COL4A5: variants seen among roughly 807,000 people sequenced by gnomAD.
COL4A5 encodes collagen alpha-5(IV) chain.
A neutral mutation model predicts 130.2 loss-of-function variants in COL4A5; 26 were observed. The ratio of observed to expected loss-of-function variants is 0.20; its 90% CI spans 0.15 to 0.28. COL4A5 has a LOEUF of 0.28. COL4A5 is among the 10% of genes least tolerant of loss of function. The pLI, the probability that COL4A5 is intolerant of heterozygous loss-of-function variation, is 1.00. For missense variants in COL4A5, 1,131 were observed against 1,344.3 expected, an observed-to-expected ratio of 0.84 and a Z score of 2.48; for synonymous variants, 496 against 439.6, an observed-to-expected ratio of 1.13 and a Z score of -1.60.
chrX:108,673,383 T>A (rs896659983), intron 42 of COL4A5, among the ~76,000 whole-genome samples: 4 of 111,966 alleles, frequency 3.6e-5, no homozygotes, highest in African/African-American at 1.3e-4. Flanking sequence ...CTGCTAACAT[T>A]TGGTGCTTAT....
At chrX:108,507,815 A>G (rs749250105) in intron 1 of COL4A5, among the ~76,000 whole-genome samples, 4 of 111,589 alleles carry the variant, frequency 3.6e-5, no homozygotes, top group Non-Finnish European at 5.7e-5. Context: ...CTCAAAATAA[A>G]CAAATAACCA....
intron 28 of COL4A5, 64 bp downstream of exon 28, chrX:108,603,125 C>T (rs2066667088): frequency 1.3e-6 from 1 of 741,384 alleles, no homozygotes; most frequent in Non-Finnish European, 2.1e-6. Flanking sequence ...TTATTTCTAG[C>T]TCTCTATTTT....
At chrX:108,451,478 G>C (rs377391997) in intron 1 of COL4A5, among the ~76,000 whole-genome samples, 410 of 111,773 alleles carry the variant, frequency 3.7e-3, no homozygotes, top group Non-Finnish European at 6.2e-3. Context: ...AAAAGTGTTC[G>C]TATTTCTCCA....
intron 2 of COL4A5, among the ~76,000 whole-genome samples, chrX:108,542,477 T>C (rs1361717117): frequency 9.0e-6 from 1 of 111,320 alleles, no homozygotes; most frequent in African/African-American, 3.3e-5. Context: ...ATGGTGCGTA[T>C]GTGCCACATT....
At chrX:108,452,441 T>A (rs1203325623) in intron 1 of COL4A5, among the ~76,000 whole-genome samples, 1 of 112,289 alleles carries the variant, frequency 8.9e-6, no homozygotes, top group African/African-American at 3.2e-5. Flanking sequence ...ACGATATTGA[T>A]TCTTCCTACC....
intron 1 of COL4A5, among the ~76,000 whole-genome samples, chrX:108,513,572 T>G (rs2065197495): frequency 8.9e-6 from 1 of 111,909 alleles, no homozygotes; most frequent in African/African-American, 3.2e-5. Context: ...TGCCTATATG[T>G]CAATTGGGTT....
chrX:108,591,348 AC>A (rs1420469352), intron 20 of COL4A5, 117 bp downstream of exon 20: 2 of 757,297 alleles, frequency 2.6e-6, no homozygotes, highest in Non-Finnish European at 3.9e-6. Flanking sequence ...AAGAAATTCT[AC>A]CACTGCTTCT....
intron 22 of COL4A5, among the ~76,000 whole-genome samples, chrX:108,596,179 G>A (rs2066513424): frequency 8.9e-6 from 1 of 112,083 alleles, no homozygotes; most frequent in African/African-American, 3.2e-5. Context: ...GTTTGAGTCA[G>A]GGCTGAGAAT....
intron 42 of COL4A5, among the ~76,000 whole-genome samples, chrX:108,674,197 A>T (rs1221106988): frequency 9.0e-6 from 1 of 111,526 alleles, no homozygotes; most frequent in Non-Finnish European, 1.9e-5. Flanking sequence ...TGATTTTTCT[A>T]TTCTGTCACC....
At chrX:108,601,304 T>C (rs964012356) in intron 25 of COL4A5, 89 bp from the exon 26 acceptor site, 11 of 583,140 alleles carry the variant, frequency 1.9e-5, no homozygotes, top group Middle Eastern at 1.0e-3. Flanking sequence ...AAAAGATTGC[T>C]GATAATTTTC....
At position 108,582,627 on chromosome X, in the gene COL4A5, C is replaced by A. The variant is rs148983085; in HGVS notation, c.937-257C>A. 413 of 352,423 alleles carry A rather than the reference C, an allele frequency of 1.2e-3. 3 individuals carry two copies. The East Asian group carries it at 0.017, about 14-fold the overall frequency. 29.0% of individuals were successfully genotyped at this position (352,423 alleles called of 1,213,427 possible). A position where few individuals can be genotyped will look rare whatever the true frequency, so the allele number is the denominator to read the frequency against. On this transcript the variant is annotated intron_variant, in intron 16 of 52. Transcript: ENST00000328300. Reference sequence around the variant, plus strand: ...TAGAGCAAGTTAAAATGCCATAAATCTCTGAGAGGTGGTAGGAATAGAGCA... The same window carrying A: ...TAGAGCAAGTTAAAATGCCATAAATATCTGAGAGGTGGTAGGAATAGAGCA...
intron 26 of COL4A5, 61 bp downstream of exon 26, chrX:108,601,546 T>TC: frequency 1.4e-6 from 1 of 716,192 alleles, no homozygotes; most frequent in African/African-American, 2.2e-5. Flanking sequence ...TTTTTTTTTT[T>TC]GACAGAGTTT....
chrX:108,485,659 C>G (rs926652647), intron 1 of COL4A5, among the ~76,000 whole-genome samples: 2 of 110,181 alleles, frequency 1.8e-5, no homozygotes, highest in Non-Finnish European at 3.8e-5. Context: ...CCCTATCCTA[C>G]TGTGTCTGAG....
chrX:108,500,997 A>G (rs954526604), intron 1 of COL4A5, among the ~76,000 whole-genome samples: 51 of 110,997 alleles, frequency 4.6e-4, no homozygotes, highest in African/African-American at 1.6e-3. Flanking sequence ...AGGTGTATTT[A>G]TTAGGTATAG....
chrX:108,638,233 G>A (rs2067391030), intron 36 of COL4A5, among the ~76,000 whole-genome samples: 1 of 111,199 alleles, frequency 9.0e-6, no homozygotes, highest in South Asian at 3.8e-4. Flanking sequence ...ATGGTCAAGT[G>A]AGATTTTTTC....
At chrX:108,660,213 A>G (rs1409288480) in intron 37 of COL4A5, among the ~76,000 whole-genome samples, 11 of 112,165 alleles carry the variant, frequency 9.8e-5, no homozygotes, top group African/African-American at 3.2e-4. Context: ...GATGATTATT[A>G]TATAGGTAAT....
chrX:108,458,709 G>T (rs2064608786), intron 1 of COL4A5, among the ~76,000 whole-genome samples: 1 of 111,863 alleles, frequency 8.9e-6, no homozygotes, highest in Non-Finnish European at 1.9e-5. Context: ...GGCCGGGTGC[G>T]GTGGCTCACG....
chrX:108,510,175 G>A (rs771319156), intron 1 of COL4A5, among the ~76,000 whole-genome samples: 17 of 111,139 alleles, frequency 1.5e-4, no homozygotes, highest in Non-Finnish European at 3.0e-4. Flanking sequence ...TGGGAGGAGG[G>A]AGAAGAGCAG....
At chrX:108,654,127 C>T (rs1027624598) in intron 36 of COL4A5, among the ~76,000 whole-genome samples, 2 of 112,283 alleles carry the variant, frequency 1.8e-5, no homozygotes, top group Admixed American at 9.4e-5. Context: ...GATCTTCATG[C>T]GCAGAGCAGC....
Sources: allele counts gnomAD v4.1 joint callset (sites outside exome capture counted in the v4.1 genomes callset), GRCh38; gene constraint gnomAD v4.1.1; transcripts MANE v1.5; gene names NCBI Gene and HGNC (gene_info 2026-07-23, HGNC 2026-07-21).